The following SCOC variants were observed in gnomAD, a reference collection of about 807,000 sequenced individuals.
SCOC encodes the protein short coiled coil protein.
Under a neutral mutation model 9.9 loss-of-function variants are expected in SCOC, and 7 were observed. The observed-to-expected ratio is 0.71, with a 90% CI of 0.40 to 1.33. The LOEUF (loss-of-function observed/expected upper bound fraction) is 1.33. Ranked by LOEUF, SCOC falls within the 40% of genes most tolerant of loss-of-function variation. The pLI is 0.01. For synonymous variants in SCOC, 19 were observed against 28.2 expected, an observed-to-expected ratio of 0.67 and a Z score of 1.03; for missense variants, 66 against 89.7, an observed-to-expected ratio of 0.74 and a Z score of 1.07.
intron 1 of SCOC, among the ~76,000 whole-genome samples, chr4:140,299,505 A>G (rs1731752990): frequency 1.3e-5 from 2 of 152,226 alleles, no homozygotes; most frequent in African/African-American, 2.4e-5. Context: ...TAAATAGAAC[A>G]CTAGTCAGAG....
rs1011510596 is a variant in SCOC, at chr4:140,275,827, T to G, written c.-19+18417T>G. ...CTGAACTCGCTCAGGTTTGTTTTTT[T>G]TTTTTTTTTTTTTTGAGAGGGAGTC... On this transcript the variant is annotated intron_variant, in intron 1 of 4. Coordinates refer to the SCOC transcript ENST00000394205. Among the ~76,000 whole-genome samples the G allele has an allele frequency of 3.3e-3, 490 of 149,134 alleles. 9 individuals are homozygous for G. Among genetic ancestry groups the G allele is most frequent in the African/African-American group, 0.012 (466 of 40,238 alleles).
At chr4:140,263,448 G>A (rs975132541) in intron 1 of SCOC, among the ~76,000 whole-genome samples, 2 of 152,174 alleles carry the variant, frequency 1.3e-5, no homozygotes, top group South Asian at 2.1e-4. Context: ...CCTGAGCCAC[G>A]TGCAGAGCAG....
intron 2 of SCOC, among the ~76,000 whole-genome samples, chr4:140,347,420 G>A (rs1240586819): frequency 5.3e-5 from 8 of 152,146 alleles, no homozygotes; most frequent in Non-Finnish European, 4.4e-5. Context: ...GACATTAGAC[G>A]GCATTGATCT....
upstream of SCOC, among the ~76,000 whole-genome samples, chr4:140,340,808 T>TTTTTA (rs140552446): frequency 8.9e-6 from 1 of 111,876 alleles, no homozygotes; most frequent in South Asian, 2.9e-4. Flanking sequence ...TTTTTTTTTT[T>TTTTTA]AGAGGGATAG....
chr4:140,367,255 A>T (rs1377070046), intron 2 of SCOC, among the ~76,000 whole-genome samples: 2 of 152,132 alleles, frequency 1.3e-5, no homozygotes, highest in East Asian at 3.8e-4. Flanking sequence ...ATAAATAAAT[A>T]AATAAAAATA....
intron 2 of SCOC, among the ~76,000 whole-genome samples, chr4:140,351,056 G>T (rs1204533427): frequency 3.3e-5 from 5 of 151,950 alleles, no homozygotes; most frequent in African/African-American, 1.2e-4. Flanking sequence ...TGAGCGTGGT[G>T]CCAGGTGCCT....
At chr4:140,318,934 T>C (rs938810834) in intron 1 of SCOC, among the ~76,000 whole-genome samples, 7 of 152,172 alleles carry the variant, frequency 4.6e-5, no homozygotes, top group Admixed American at 3.9e-4. Context: ...CCTCCCTTCA[T>C]CTCCACTTCT....
At chr4:140,325,006 G>T (rs1419867915) in intron 1 of SCOC, among the ~76,000 whole-genome samples, 3 of 152,050 alleles carry the variant, frequency 2.0e-5, no homozygotes, top group Non-Finnish European at 2.9e-5. Context: ...GAACAGAAAA[G>T]AGAATTCATA....
chr4:140,283,239 A>T (rs941921883), intron 1 of SCOC, among the ~76,000 whole-genome samples: 3 of 152,244 alleles, frequency 2.0e-5, no homozygotes, highest in African/African-American at 7.2e-5. Flanking sequence ...TCTATACCTT[A>T]TAAAAATTAG....
chr4:140,314,797 AATGAG>A (rs1282841161), intron 1 of SCOC, among the ~76,000 whole-genome samples: 1 of 152,132 alleles, frequency 6.6e-6, no homozygotes, highest in Non-Finnish European at 1.5e-5. Context: ...CTCAGAAGGC[AATGAG>A]ATGTCCAGGG....
intron 2 of SCOC, among the ~76,000 whole-genome samples, chr4:140,362,273 C>CTCTTCTT: frequency 6.9e-5 from 2 of 29,088 alleles, no homozygotes; most frequent in African/African-American, 1.2e-4. Flanking sequence ...ACAGGTGTGT[C>CTCTTCTT]CTTACTTCTT....
At chr4:140,366,931 C>T (rs1206932114) in intron 2 of SCOC, 9 of 555,632 alleles carry the variant, frequency 1.6e-5, no homozygotes, top group South Asian at 3.9e-5. Context: ...ATTGACCAGG[C>T]GTGGTGGCTC....
chr4:140,272,423 G>A (rs1047179240), intron 1 of SCOC, among the ~76,000 whole-genome samples: 6 of 152,044 alleles, frequency 3.9e-5, no homozygotes, highest in Admixed American at 3.3e-4. Context: ...ACATTACTGG[G>A]CCCTACCCCT....
At chr4:140,258,621 T>G (rs1228336487) in intron 1 of SCOC, among the ~76,000 whole-genome samples, 2 of 152,214 alleles carry the variant, frequency 1.3e-5, no homozygotes, top group African/African-American at 4.8e-5. Context: ...TCATTCATTG[T>G]AGAAGCTGAA....
intron 1 of SCOC, among the ~76,000 whole-genome samples, chr4:140,283,051 A>T (rs1201740239): frequency 6.6e-6 from 1 of 152,240 alleles, no homozygotes; most frequent in Admixed American, 6.5e-5. Flanking sequence ...GTTTCTTTTC[A>T]TTGCCATCAA....
intron 1 of SCOC, among the ~76,000 whole-genome samples, chr4:140,282,346 T>C (rs1731119672): frequency 6.6e-6 from 1 of 152,148 alleles, no homozygotes; most frequent in Admixed American, 6.5e-5. Context: ...ACCACAGTAA[T>C]CATGAATTGC....
intron 1 of SCOC, among the ~76,000 whole-genome samples, chr4:140,278,136 A>T (rs181601061): frequency 6.6e-6 from 1 of 152,220 alleles, no homozygotes; most frequent in Non-Finnish European, 1.5e-5. Context: ...ATTTATAAAC[A>T]GCGGAAATTT....
chr4:140,374,474 A>G (rs962883770), intron 1 of SCOC, among the ~76,000 whole-genome samples: 4 of 152,198 alleles, frequency 2.6e-5, no homozygotes, highest in Non-Finnish European at 5.9e-5. Flanking sequence ...CAGTGTAGCT[A>G]GCCATTCTCT....
intron 1 of SCOC, among the ~76,000 whole-genome samples, chr4:140,272,523 A>G (rs1730869610): frequency 6.6e-6 from 1 of 152,224 alleles, no homozygotes; most frequent in Non-Finnish European, 1.5e-5. Context: ...AGTTAATAAC[A>G]GAGCAGCCAG....
Sources: allele counts gnomAD v4.1 joint callset (sites outside exome capture counted in the v4.1 genomes callset), GRCh38; gene constraint gnomAD v4.1.1; transcripts MANE v1.5; gene names NCBI Gene and HGNC (gene_info 2026-07-23, HGNC 2026-07-21).